HIBADH: variants seen among roughly 807,000 people sequenced by gnomAD.
The protein encoded by HIBADH is 3-hydroxyisobutyrate dehydrogenase, mitochondrial.
In HIBADH, 25 loss-of-function variants were observed where a neutral mutation model predicts 36.1. The observed-to-expected ratio is 0.69, with a 90% confidence interval of 0.50 to 0.97. The LOEUF is 0.97. Ranked by LOEUF, HIBADH falls within the 50% of genes least tolerant of loss-of-function variation. The pLI is 0.00. For missense variants in HIBADH, 421 were observed against 418.0 expected (o/e 1.01, Z -0.06); for synonymous variants, 160 against 149.5 (o/e 1.07, Z -0.51).
intron 4 of HIBADH, among the ~76,000 whole-genome samples, chr7:27,584,682 G>C (rs973991074): frequency 6.6e-6 from 1 of 151,900 alleles, no homozygotes; most frequent in Non-Finnish European, 1.5e-5. Context: ...ATCGTTTGGG[G>C]CATATTTTCC....
At chr7:27,578,580 G>C (rs190324556) in intron 4 of HIBADH, among the ~76,000 whole-genome samples, 1 of 152,292 alleles carries the variant, frequency 6.6e-6, no homozygotes, top group African/African-American at 2.4e-5. Flanking sequence ...GCCTCCTGAA[G>C]TGCCAGGATT....
intron 4 of HIBADH, among the ~76,000 whole-genome samples, chr7:27,565,313 C>T (rs547008322): frequency 1.9e-4 from 29 of 152,282 alleles, no homozygotes; most frequent in African/African-American, 6.7e-4. Flanking sequence ...GCCTCCTGAT[C>T]GACCCTGATG....
intron 5 of HIBADH, 87 bp downstream of exon 5, chr7:27,542,880 G>A: frequency 7.4e-7 from 1 of 1,355,078 alleles, no homozygotes; most frequent in Non-Finnish European, 1.0e-6. Context: ...GTTGAAGAAA[G>A]AAGAATAAAA....
Position 27,655,080 on chromosome 7 carries a change from A to C in HIBADH, c.92-5447T>G, listed in dbSNP as rs370079662. 2.6e-5 allele frequency among the ~76,000 whole-genome samples: 4 copies of C among 152,204 alleles called. No homozygotes were observed. In the East Asian group the frequency reaches 7.7e-4, roughly 29 times the overall value. On this transcript the variant is annotated intron_variant, in intron 1 of 7. Transcript: ENST00000265395. ...TATGTACAACTTATCATATATCACTATATTGCTAATAAAGCTGTTTTTAAA... is the reference window on the plus strand; with the variant it reads ...TATGTACAACTTATCATATATCACTCTATTGCTAATAAAGCTGTTTTTAAA...
At chr7:27,561,885 T>A (rs933271945) in intron 4 of HIBADH, among the ~76,000 whole-genome samples, 39 of 152,302 alleles carry the variant, frequency 2.6e-4, no homozygotes, top group Admixed American at 2.2e-3. Flanking sequence ...TCTTAAGAAC[T>A]GTTACATTTA....
chr7:27,583,996 A>T (rs547673949), intron 4 of HIBADH, among the ~76,000 whole-genome samples: 2 of 152,042 alleles, frequency 1.3e-5, no homozygotes, highest in South Asian at 4.1e-4. Flanking sequence ...AGACAGCTGG[A>T]TTTTCATAGT....
rs1583558505 is a variant in HIBADH, at chr7:27,538,432, A to G, written c.619-15T>C. On this transcript the variant is annotated splice_polypyrimidine_tract_variant and intron_variant, in intron 5 of 7. Coordinates refer to ENST00000265395, the MANE Select transcript of HIBADH (RefSeq NM_152740.4). ...ATCTTTGCCGCCTGAAAATAAATTG[A>G]GTACATATTAAATATCTGTATTTTC... is the stretch of plus-strand genomic sequence containing the variant. 5.6e-6 allele frequency: 9 copies of G among 1,606,120 alleles called. No homozygotes were observed. Among genetic ancestry groups the G allele is most frequent in the Non-Finnish European group, 6.8e-6 (8 of 1,173,608 alleles).
At chr7:27,571,958 C>T (rs1018040934) in intron 4 of HIBADH, among the ~76,000 whole-genome samples, 6 of 152,282 alleles carry the variant, frequency 3.9e-5, no homozygotes, top group Non-Finnish European at 5.9e-5. Flanking sequence ...AGACAGATTT[C>T]CTAGTTAGAT....
chr7:27,564,018 C>T lies in HIBADH; in HGVS notation c.485-20918G>A, dbSNP rs561250279. The stretch of plus-strand genomic sequence containing the variant: ...GATTCACGCCATTCTCCTGCCTCAG[C>T]CTCCCAAGTAGCTGAGACTACAGGC... On this transcript the variant is annotated intron_variant, in intron 4 of 7. Transcript: ENST00000265395. 3.1e-4 allele frequency among the ~76,000 whole-genome samples: 47 copies of T among 151,862 alleles called. No homozygotes were observed. The South Asian group carries it at 9.8e-3, about 32-fold the overall frequency.
intron 4 of HIBADH, among the ~76,000 whole-genome samples, chr7:27,572,519 A>G (rs1784644309): frequency 6.6e-6 from 1 of 152,208 alleles, no homozygotes; most frequent in Non-Finnish European, 1.5e-5. Context: ...CTTCATTATT[A>G]CAGCAGAATG....
rs1387269471 is a variant in HIBADH at position 27,525,458 on chromosome 7, T to G, written c.*756A>C. The G allele has an allele frequency of 1.3e-5, 2 of 152,104 alleles. No homozygotes were observed. Among genetic ancestry groups the G allele is most frequent in the African/African-American group, 4.8e-5 (2 of 41,418 alleles). The allele number at this position is 152,104 out of a possible 1,614,324, so 9.4% of individuals were successfully genotyped here. Reference sequence around the variant, plus strand: ...AAGAAAGTATTACCAGTATAGAAATTTATTTGAATTCAAAATAATATGGCT... The same window carrying G: ...AAGAAAGTATTACCAGTATAGAAATGTATTTGAATTCAAAATAATATGGCT... On this transcript the variant is annotated 3_prime_UTR_variant, in exon 8 of 8. Coordinates refer to ENST00000265395, the MANE Select transcript of HIBADH (RefSeq NM_152740.4).
At chr7:27,575,182 T>G (rs1294470019) in intron 4 of HIBADH, among the ~76,000 whole-genome samples, 1 of 152,354 alleles carries the variant, frequency 6.6e-6, no homozygotes, top group East Asian at 1.9e-4. Context: ...TCTTGATTTA[T>G]TTGTCAAGAA....
intron 6 of HIBADH, among the ~76,000 whole-genome samples, chr7:27,536,522 C>T (rs1440183366): frequency 2.0e-5 from 3 of 152,048 alleles, no homozygotes; most frequent in African/African-American, 7.2e-5. Flanking sequence ...CTATTAATTG[C>T]TTCTGCTCTC....
At chr7:27,632,744 T>G (rs1785769257) in intron 2 of HIBADH, among the ~76,000 whole-genome samples, 1 of 152,178 alleles carries the variant, frequency 6.6e-6, no homozygotes, top group Non-Finnish European at 1.5e-5. Context: ...GACACACTTC[T>G]CATGGGTTCT....
intron 7 of HIBADH, among the ~76,000 whole-genome samples, 196 bp downstream of exon 7, chr7:27,530,996 A>T (rs1783989869): frequency 6.6e-6 from 1 of 152,122 alleles, no homozygotes; most frequent in African/African-American, 2.4e-5. Context: ...TTCTCAACCA[A>T]AAGGCCAGGA....
chr7:27,608,459 G>A (rs185768817), intron 4 of HIBADH, among the ~76,000 whole-genome samples: 7 of 152,210 alleles, frequency 4.6e-5, no homozygotes, highest in Admixed American at 1.3e-4. Flanking sequence ...AAAACTTAAC[G>A]TCATATACTT....
chr7:27,591,743 AGTTT>A (rs1784943892), intron 4 of HIBADH, among the ~76,000 whole-genome samples: 1 of 152,232 alleles, frequency 6.6e-6, no homozygotes, highest in Non-Finnish European at 1.5e-5. Flanking sequence ...CTTGAAACTT[AGTTT>A]AACAATTTAC....
intron 3 of HIBADH, among the ~76,000 whole-genome samples, chr7:27,630,932 A>C (rs1489796573): frequency 6.6e-6 from 1 of 152,154 alleles, no homozygotes; most frequent in Non-Finnish European, 1.5e-5. Context: ...TAATATTTTA[A>C]GATCTTAAAC....
At chr7:27,604,875 A>G (rs1455085598) in intron 4 of HIBADH, among the ~76,000 whole-genome samples, 1 of 152,132 alleles carries the variant, frequency 6.6e-6, no homozygotes, top group African/African-American at 2.4e-5. Context: ...TACTTTGAAA[A>G]CATATACATT....
Sources: allele counts gnomAD v4.1 joint callset (sites outside exome capture counted in the v4.1 genomes callset), GRCh38; gene constraint gnomAD v4.1.1; transcripts MANE v1.5; gene names NCBI Gene and HGNC (gene_info 2026-07-23, HGNC 2026-07-21).